The following AGAP1 variants were observed in gnomAD, a reference collection of about 807,000 sequenced individuals.
AGAP1 encodes ArfGAP with GTPase domain, ankyrin repeat and PH domain 1.
In AGAP1, 29 loss-of-function variants were observed where a neutral mutation model predicts 105.3. The ratio of observed to expected loss-of-function variants is 0.28; its 90% CI spans 0.21 to 0.38. The LOEUF (loss-of-function observed/expected upper bound fraction) is 0.38, where lower values mean the gene tolerates loss of function less well. AGAP1 is among the 10% of genes least tolerant of loss of function. The pLI, the probability that AGAP1 is intolerant of heterozygous loss-of-function variation, is 1.00. For synonymous variants in AGAP1, 509 were observed against 485.9 expected (o/e 1.05, Z -0.63); for missense variants, 998 against 1,165.1 (o/e 0.86, Z 2.09).
Position 235,802,875 on chromosome 2 carries a change from G to A in AGAP1, c.957+3353G>A, listed in dbSNP as rs556551341. ...TGATGGTTGTGATGGTGATGATGCT[G>A]CTTGTGGTTGTGATGGTGATGATGG... On this transcript the variant is annotated intron_variant, in intron 8 of 17. Coordinates refer to ENST00000304032, the MANE Select transcript of AGAP1 (RefSeq NM_001037131.3). 2.8e-5 allele frequency among the ~76,000 whole-genome samples: 4 copies of A among 142,522 alleles called. No homozygotes were observed. The East Asian group carries it at 8.9e-4, about 32-fold the overall frequency. The allele number at this position is 142,522 out of a possible 152,430, so 93.5% of individuals were successfully genotyped here.
Position 236,109,376 on chromosome 2 carries a change from C to T in AGAP1, c.2115-10816C>T, listed in dbSNP as rs946643466. On this transcript the variant is annotated intron_variant, in intron 16 of 17. Transcript: ENST00000304032. The surrounding 1 kb of genome is among the most constrained non-coding windows in gnomAD (Gnocchi z 5.4). ...TCCTTTTAGTGATCTCCTTTCTCTT[C>T]ATTCTAAAATTCCATGAATTATTAT... Among the ~76,000 whole-genome samples, 1 of 152,248 alleles carries T rather than the reference C, an allele frequency of 6.6e-6. No individual in the cohort carries two copies. Among genetic ancestry groups the T allele is most frequent in the East Asian group, 1.9e-4 (1 of 5,184 alleles).
intron 16 of AGAP1, among the ~76,000 whole-genome samples, chr2:236,071,530 C>A (rs186956609): frequency 6.6e-6 from 1 of 152,320 alleles, no homozygotes; most frequent in East Asian, 1.9e-4. Flanking sequence ...GCCATGCGAT[C>A]TACAGACCCT....
chr2:235,796,339 A>G (rs1455809668), intron 6 of AGAP1, among the ~76,000 whole-genome samples: 1 of 152,240 alleles, frequency 6.6e-6, no homozygotes, highest in African/African-American at 2.4e-5. Context: ...AAAATATTCT[A>G]ATAAATGTCT....
chr2:235,540,144 TC>T, intron 1 of AGAP1, among the ~76,000 whole-genome samples: 1 of 145,886 alleles, frequency 6.9e-6, no homozygotes, highest in African/African-American at 2.6e-5. Flanking sequence ...CCTCCCTCTC[TC>T]CTCTTTTTTT....
rs1050375585 is a variant in AGAP1 at position 235,730,267 on chromosome 2, G to A, written c.311-10696G>A. Among the ~76,000 whole-genome samples the A allele has an allele frequency of 3.3e-5, 5 of 152,128 alleles. No individual in the cohort carries two copies. In the East Asian group the frequency reaches 5.8e-4, roughly 18 times the overall value. On this transcript the variant is annotated intron_variant, in intron 3 of 17. Coordinates refer to ENST00000304032, the MANE Select transcript of AGAP1 (RefSeq NM_001037131.3). Reference sequence around the variant, plus strand: ...TGAGGGACAAGGAGCCTGTGTGCCCGTGTCGGCAGCCGAGTAACTGCCAAG... The same window carrying A: ...TGAGGGACAAGGAGCCTGTGTGCCCATGTCGGCAGCCGAGTAACTGCCAAG...
rs982552982 is a variant in AGAP1, at chr2:235,992,901, C to T, written c.1645+24278C>T. Among the ~76,000 whole-genome samples the T allele has an allele frequency of 1.3e-5, 2 of 152,154 alleles. No homozygotes were observed. Among genetic ancestry groups the T allele is most frequent in the African/African-American group, 4.8e-5 (2 of 41,456 alleles). On this transcript the variant is annotated intron_variant, in intron 13 of 17. Coordinates refer to ENST00000304032, the MANE Select transcript of AGAP1 (RefSeq NM_001037131.3). This position sits in a 1 kb window ranked among gnomAD's most constrained non-coding sequence, Gnocchi z 4.8. ...TCTTTCCGTCGTGAACCATGGACGT[C>T]TCTCCTTGACCTCCTCCCTACCTGG...
intron 1 of AGAP1, among the ~76,000 whole-genome samples, chr2:235,703,658 G>T (rs1159106549): frequency 1.3e-5 from 2 of 151,376 alleles, no homozygotes; most frequent in African/African-American, 4.9e-5. Context: ...GAGTGCGGTG[G>T]CACAATCTCG....
chr2:235,580,784 CA>C (rs1451200363), intron 1 of AGAP1, among the ~76,000 whole-genome samples: 1 of 152,000 alleles, frequency 6.6e-6, no homozygotes, highest in Non-Finnish European at 1.5e-5. Flanking sequence ...AGCTTGAGTT[CA>C]AGGTGGAAAG....
chr2:235,813,167 C>G (rs1386888032), intron 9 of AGAP1, among the ~76,000 whole-genome samples: 1 of 152,212 alleles, frequency 6.6e-6, no homozygotes, highest in Non-Finnish European at 1.5e-5. Context: ...TCGGGCACAC[C>G]CTCCCCTACA....
chr2:235,875,482 C>T lies in AGAP1; in HGVS notation c.1051-7863C>T, dbSNP rs952996253. ...GGTCTGTGATGCCCACGAGGCTGTG[C>T]GGCTCAGGGCCAGGTCGGTTTTGAG... On this transcript the variant is annotated intron_variant, in intron 9 of 17. Transcript: ENST00000304032. This position sits in a 1 kb window ranked among gnomAD's most constrained non-coding sequence, Gnocchi z 4.0. 1.3e-5 allele frequency among the ~76,000 whole-genome samples: 2 copies of T among 152,194 alleles called. No individual in the cohort carries two copies. The highest frequency in any genetic ancestry group is 4.1e-4 in the South Asian group (2 of 4,834).
rs181505162 is a variant in AGAP1, at chr2:235,972,002, C to G, written c.1645+3379C>G. 2.2e-3 allele frequency among the ~76,000 whole-genome samples: 339 copies of G among 152,184 alleles called. 2 individuals are homozygous for G. The highest frequency in any genetic ancestry group is 7.4e-3 in the African/African-American group (309 of 41,518). On this transcript the variant is annotated intron_variant, in intron 13 of 17. Coordinates refer to ENST00000304032, the MANE Select transcript of AGAP1 (RefSeq NM_001037131.3). ...CTCTTTTGCCCAGGCTGGTCTTGAA[C>G]TCCTGGGCTCAAGCAATCCTCCCAC... is the stretch of plus-strand genomic sequence containing the variant.
chr2:235,955,078 G>T (rs2053890132), intron 12 of AGAP1, among the ~76,000 whole-genome samples: 1 of 152,170 alleles, frequency 6.6e-6, no homozygotes, highest in Non-Finnish European at 1.5e-5. Context: ...GAGGGTAGAG[G>T]TTCAGGGGTG....
At chr2:235,778,445 G>C (rs560712943) in intron 6 of AGAP1, among the ~76,000 whole-genome samples, 1 of 152,124 alleles carries the variant, frequency 6.6e-6, no homozygotes, top group South Asian at 2.1e-4. Flanking sequence ...AAGGTTCTTC[G>C]AGGTTCTTAA....
chr2:235,831,018 A>G (rs1959295845), intron 9 of AGAP1, among the ~76,000 whole-genome samples: 1 of 151,998 alleles, frequency 6.6e-6, no homozygotes, highest in Non-Finnish European at 1.5e-5. Flanking sequence ...CGGGGCTGGC[A>G]TTTGCTACTT....
At position 235,988,801 on chromosome 2, in the gene AGAP1, T is replaced by A. The variant is rs1228854638; in HGVS notation, c.1645+20178T>A. Among the ~76,000 whole-genome samples, 1 of 152,162 alleles carries A rather than the reference T, an allele frequency of 6.6e-6. No homozygotes were observed. Reference sequence around the variant, plus strand: ...ATTCCCCTGCACCCACCCTTTTTTCTGTGGTCAGCATGTGTTTCCCAGACT... The same window carrying A: ...ATTCCCCTGCACCCACCCTTTTTTCAGTGGTCAGCATGTGTTTCCCAGACT... On this transcript the variant is annotated intron_variant, in intron 13 of 17. Transcript: ENST00000304032. The surrounding 1 kb of genome is among the most constrained non-coding windows in gnomAD (Gnocchi z 4.7).
In AGAP1 at chr2:235,500,396, T is replaced by C. The variant is rs374043768; in HGVS notation, c.163+5547T>C. On this transcript the variant is annotated intron_variant, in intron 1 of 17. Coordinates refer to ENST00000304032, the MANE Select transcript of AGAP1 (RefSeq NM_001037131.3). ...GTGGGTTTGGAGCAGGACGCACGAA[T>C]GTGCCTCTCTAAGAAGTGTCCTGAG... Among the ~76,000 whole-genome samples, 20 of 152,312 alleles carry C rather than the reference T, an allele frequency of 1.3e-4. No individual in the cohort carries two copies. In the East Asian group the frequency reaches 1.5e-3, roughly 12 times the overall value.
At chr2:235,688,846 G>A (rs546178452) in intron 1 of AGAP1, among the ~76,000 whole-genome samples, 4 of 152,140 alleles carry the variant, frequency 2.6e-5, no homozygotes, top group African/African-American at 9.7e-5. Context: ...TCATTCACCC[G>A]CTAGTGCTGT....
chr2:235,852,836 G>A lies in AGAP1; in HGVS notation c.1051-30509G>A, dbSNP rs551312962. ...AGGCCCACAATCAGCCCAGCTGTCC[G>A]GGGCCATGATGAATTAGCGGTGGGA... is the stretch of plus-strand genomic sequence containing the variant. On this transcript the variant is annotated intron_variant, in intron 9 of 17. Coordinates refer to ENST00000304032, the MANE Select transcript of AGAP1 (RefSeq NM_001037131.3). 129 of 1,480,652 alleles carry A rather than the reference G, an allele frequency of 8.7e-5. 1 individual carries two copies. The African/African-American group carries it at 1.0e-3, about 11-fold the overall frequency. The allele number at this position is 1,480,652 out of a possible 1,614,324, so 91.7% of individuals were successfully genotyped here.
chr2:236,102,354 C>T (rs1442483276), intron 16 of AGAP1, among the ~76,000 whole-genome samples: 1 of 145,762 alleles, frequency 6.9e-6, no homozygotes, highest in East Asian at 2.0e-4. Context: ...GGAGGCAGAG[C>T]TTGCATTGAG....
Sources: allele counts gnomAD v4.1 joint callset (sites outside exome capture counted in the v4.1 genomes callset), GRCh38; gene constraint gnomAD v4.1.1; non-coding constraint Gnocchi (gnomAD v3.1); transcripts MANE v1.5; gene names NCBI Gene and HGNC (gene_info 2026-07-23, HGNC 2026-07-21).